Variants in ETV1 observed in about 807,000 individuals in gnomAD.
The protein encoded by ETV1 is ETS variant transcription factor 1.
ETV1 carries 27 observed loss-of-function variants against 62.3 expected under a neutral mutation model. The observed-to-expected ratio is 0.43, with a 90% CI of 0.32 to 0.60. ETV1 has a LOEUF of 0.60. Among genes scored for constraint, ETV1 ranks in the 20% least tolerant of loss-of-function variants. The pLI is 0.06. For synonymous variants in ETV1, 222 were observed against 199.6 expected (o/e 1.11, Z -0.94); for missense variants, 605 against 605.8 (o/e 1.00, Z 0.01).
intron 5 of ETV1, among the ~76,000 whole-genome samples, chr7:13,978,390 T>A (rs1442802733): frequency 9.5e-6 from 1 of 105,596 alleles, no homozygotes; most frequent in Admixed American, 1.1e-4. Context: ...CACACATAAA[T>A]ACATGCAAAC....
intron 6 of ETV1, among the ~76,000 whole-genome samples, chr7:13,971,771 A>C (rs1780925130): frequency 1.3e-5 from 2 of 152,198 alleles, no homozygotes; most frequent in South Asian, 4.1e-4. Flanking sequence ...ATAACACATA[A>C]CTTTGTTACG....
intron 5 of ETV1, among the ~76,000 whole-genome samples, chr7:13,980,903 T>G: frequency 6.6e-6 from 1 of 152,132 alleles, no homozygotes; most frequent in East Asian, 1.9e-4. Context: ...TTTTAATACT[T>G]TTCTTAACTA....
chr7:13,916,746 T>C (rs1419879524), intron 9 of ETV1, among the ~76,000 whole-genome samples: 2 of 152,028 alleles, frequency 1.3e-5, no homozygotes, highest in Non-Finnish European at 2.9e-5. Flanking sequence ...CTGGGCAATA[T>C]GGTGAAACCC....
intron 9 of ETV1, among the ~76,000 whole-genome samples, chr7:13,922,786 T>A (rs1483134124): frequency 6.6e-6 from 1 of 152,216 alleles, no homozygotes; most frequent in Non-Finnish European, 1.5e-5. Flanking sequence ...TCAACAGCTT[T>A]CCTTTTTGTA....
chr7:13,988,595 G>GAAAAAAAAA (rs34468165), intron 3 of ETV1: 45 of 811,018 alleles, frequency 5.5e-5, no homozygotes, highest in Admixed American at 5.1e-4. Context: ...GTAGAGAAAT[G>GAAAAAAAAA]AAAAAAAAAA....
chr7:13,966,668 A>G (rs1780322973), intron 6 of ETV1, among the ~76,000 whole-genome samples: 1 of 152,026 alleles, frequency 6.6e-6, no homozygotes, highest in Non-Finnish European at 1.5e-5. Context: ...CAAACAAACA[A>G]ACAAAAAAAC....
At chr7:13,955,998 G>T (rs1442828604) in intron 6 of ETV1, among the ~76,000 whole-genome samples, 1 of 152,134 alleles carries the variant, frequency 6.6e-6, no homozygotes, top group Admixed American at 6.5e-5. Context: ...GAGAAGTGCT[G>T]TAATCATAGA....
intron 9 of ETV1, among the ~76,000 whole-genome samples, chr7:13,930,103 T>C (rs936672772): frequency 6.6e-6 from 1 of 152,172 alleles, no homozygotes; most frequent in African/African-American, 2.4e-5. Context: ...CAACCATCTA[T>C]TGACCACAGA....
intron 9 of ETV1, among the ~76,000 whole-genome samples, chr7:13,928,471 G>A (rs764520424): frequency 9.2e-5 from 14 of 152,054 alleles, no homozygotes; most frequent in Admixed American, 2.0e-4. Flanking sequence ...AAAATTAGCC[G>A]GGCATGGTGG....
chr7:13,901,289 G>A (rs1782395845), intron 12 of ETV1, among the ~76,000 whole-genome samples: 3 of 152,210 alleles, frequency 2.0e-5, no homozygotes, highest in Admixed American at 2.0e-4. Flanking sequence ...ACAGGAGTAA[G>A]CCACTGCGCC....
rs1042597547 is a variant in ETV1, at chr7:13,891,624, T to C, written c.*4242A>G. The C allele has an allele frequency of 2.2e-5, 5 of 231,794 alleles. No individual in the cohort carries two copies. The highest frequency in any genetic ancestry group is 4.3e-5 in the Non-Finnish European group (5 of 117,308). The allele number at this position is 231,794 out of a possible 1,614,324, so 14.4% of individuals were successfully genotyped here. A position where few individuals can be genotyped will look rare whatever the true frequency, so the allele number is the denominator to read the frequency against. ...AGTCTCATGTATATAAAAAAAGAAG[T>C]CCTAAAAGTACTAGTTGAGCTCTGA... is the stretch of plus-strand genomic sequence containing the variant. On this transcript the variant is annotated 3_prime_UTR_variant, in exon 14 of 14. Transcript: ENST00000430479.
intron 9 of ETV1, among the ~76,000 whole-genome samples, chr7:13,914,724 G>A (rs780409911): frequency 1.3e-5 from 2 of 151,606 alleles, no homozygotes; most frequent in Non-Finnish European, 2.9e-5. Context: ...CCAAAGGTTT[G>A]ACCACAAAGT....
intron 9 of ETV1, among the ~76,000 whole-genome samples, chr7:13,928,952 C>T (rs1355415916): frequency 2.0e-5 from 3 of 152,010 alleles, no homozygotes; most frequent in Non-Finnish European, 2.9e-5. Flanking sequence ...AGCGAGACTC[C>T]GTCTCAAAAA....
intron 6 of ETV1, among the ~76,000 whole-genome samples, chr7:13,966,506 T>A (rs775384734): frequency 7.9e-5 from 12 of 151,952 alleles, no homozygotes; most frequent in Non-Finnish European, 1.3e-4. Flanking sequence ...TGGTGGTGCA[T>A]GCCTATGGTC....
rs1455555049 is a variant in ETV1, at chr7:13,981,514, T to C, written c.182-4034A>G. Among the ~76,000 whole-genome samples the C allele has an allele frequency of 2.4e-5, 3 of 124,046 alleles. No individual in the cohort carries two copies. The East Asian group carries it at 7.7e-4, about 32-fold the overall frequency. The allele number at this position is 124,046 out of a possible 152,430, so 81.4% of individuals were successfully genotyped here. A position where few individuals can be genotyped will look rare whatever the true frequency, so the allele number is the denominator to read the frequency against. ...ACGTTTACAAAGTTACATACATACA[T>C]ACATACATACATACATACATATATA... On this transcript the variant is annotated intron_variant, in intron 5 of 13. Coordinates refer to ENST00000430479, the MANE Select transcript of ETV1 (RefSeq NM_004956.5).
At chr7:13,955,917 T>C (rs1789387505) in intron 6 of ETV1, among the ~76,000 whole-genome samples, 1 of 152,152 alleles carries the variant, frequency 6.6e-6, no homozygotes, top group South Asian at 2.1e-4. Flanking sequence ...CAAGCCAAAT[T>C]ACAGTATTTC....
intron 5 of ETV1, chr7:13,986,137 A>C (rs1399420788): frequency 1.9e-6 from 3 of 1,593,536 alleles, no homozygotes; most frequent in Middle Eastern, 1.7e-4. Flanking sequence ...TGTTGTGAAC[A>C]AGGTGGAAAG....
chr7:13,896,739 GAAAGGAAAGAAA>G (rs1319602086), intron 13 of ETV1, among the ~76,000 whole-genome samples: 2 of 55,296 alleles, frequency 3.6e-5, no homozygotes, highest in Non-Finnish European at 6.9e-5. Flanking sequence ...GAAAAAGAAA[GAAAGGAAAGAAA>G]GAAAGAAAGA....
At chr7:13,917,919 A>C (rs991468347) in intron 9 of ETV1, among the ~76,000 whole-genome samples, 13 of 151,978 alleles carry the variant, frequency 8.6e-5, no homozygotes, top group Admixed American at 8.5e-4. Context: ...AGCCGAGATC[A>C]TGCCACTGCA....
Sources: allele counts gnomAD v4.1 joint callset (sites outside exome capture counted in the v4.1 genomes callset), GRCh38; gene constraint gnomAD v4.1.1; transcripts MANE v1.5; gene names NCBI Gene and HGNC (gene_info 2026-07-23, HGNC 2026-07-21).